RTF1: variants seen among roughly 807,000 people sequenced by gnomAD.
RTF1 encodes RTF1 homolog, Paf1/RNA polymerase II complex component.
Under a neutral mutation model 95.7 loss-of-function variants are expected in RTF1, and 10 were observed. The observed-to-expected ratio is 0.10, with a 90% CI of 0.06 to 0.18. The LOEUF (loss-of-function observed/expected upper bound fraction) is 0.18, where lower values mean the gene tolerates loss of function less well. Among genes scored for constraint, RTF1 ranks in the 10% least tolerant of loss-of-function variants. The pLI is 1.00. For missense variants in RTF1, 458 were observed against 875.6 expected, an observed-to-expected ratio of 0.52 and a Z score of 6.02; for synonymous variants, 305 against 311.8, an observed-to-expected ratio of 0.98 and a Z score of 0.23.
rs1421035887 is a variant in RTF1, at chr15:41,480,567, C to T, written c.2027-14C>T. 5 of 1,599,406 alleles carry T rather than the reference C, an allele frequency of 3.1e-6. No individual in the cohort carries two copies. Among genetic ancestry groups the T allele is most frequent in the East Asian group, 2.2e-5 (1 of 44,814 alleles). ...GTGGGACCTCAGCTGCCAACTTGCT[C>T]TTCTTTCCCACAGAGTCAAAGGCTT... On this transcript the variant is annotated splice_polypyrimidine_tract_variant and intron_variant, in intron 17 of 17. Transcript: ENST00000389629.
chr15:41,477,047 C>A, intron 12 of RTF1, 118 bp from the exon 13 acceptor site: 1 of 1,271,120 alleles, frequency 7.9e-7, no homozygotes, highest in Non-Finnish European at 1.1e-6. Context: ...TCTTCCACAT[C>A]TCCTGTCCTT....
chr15:41,438,359 TGAG>T lies in RTF1; in HGVS notation c.241_243del (p.Glu81del). 6.4e-7 allele frequency: 1 copy of T among 1,551,320 alleles called. No individual in the cohort carries two copies. Among genetic ancestry groups the T allele is most frequent in the Non-Finnish European group, 8.7e-7 (1 of 1,146,692 alleles). On this transcript the variant is annotated inframe_deletion, in exon 2 of 18. Transcript: ENST00000389629. Reference sequence around the variant, plus strand: ...TGGCAAAGCGAAAGCGCAGTGACTCTGAGGAGAAGGAGCCGCCTGTGAGTCAGC... The same window carrying T: ...TGGCAAAGCGAAAGCGCAGTGACTCTGAGAAGGAGCCGCCTGTGAGTCAGC...
chr15:41,465,127 CT>C (rs1441768290), intron 5 of RTF1, among the ~76,000 whole-genome samples: 1 of 150,806 alleles, frequency 6.6e-6, no homozygotes, highest in Non-Finnish European at 1.5e-5. Flanking sequence ...TTCTTTTTCC[CT>C]TTTCTTCCCC....
At chr15:41,431,506 C>T (rs904855389) in intron 1 of RTF1, among the ~76,000 whole-genome samples, 3 of 151,836 alleles carry the variant, frequency 2.0e-5, no homozygotes, top group African/African-American at 7.3e-5. Context: ...TGAACCACCG[C>T]GCCCGACTGG....
At chr15:41,421,458 A>T (rs1430419839) in intron 1 of RTF1, among the ~76,000 whole-genome samples, 1 of 127,040 alleles carries the variant, frequency 7.9e-6, no homozygotes, top group Admixed American at 8.0e-5. Context: ...CTCTGTATTA[A>T]AAAAAAAAAA....
chr15:41,464,145 G>A (rs754466636), intron 4 of RTF1, among the ~76,000 whole-genome samples: 1 of 146,004 alleles, frequency 6.8e-6, no homozygotes, highest in African/African-American at 2.5e-5. Context: ...CCACTGCACC[G>A]GGCCTGTTTG....
chr15:41,417,931 A>C (rs2050579915), intron 1 of RTF1, among the ~76,000 whole-genome samples: 1 of 152,126 alleles, frequency 6.6e-6, no homozygotes, highest in Non-Finnish European at 1.5e-5. Flanking sequence ...GTCAGACCCA[A>C]AAAAACACTC....
At chr15:41,428,693 C>G (rs2050652222) in intron 1 of RTF1, among the ~76,000 whole-genome samples, 2 of 151,860 alleles carry the variant, frequency 1.3e-5, no homozygotes, top group South Asian at 4.2e-4. Flanking sequence ...CCTCCTCTGC[C>G]TCTGGAGTAG....
chr15:41,466,277 A>G (rs896870559), intron 6 of RTF1, 25 bp downstream of exon 6: 5 of 1,421,712 alleles, frequency 3.5e-6, no homozygotes, highest in Non-Finnish European at 4.7e-6. Flanking sequence ...TATAATGGCT[A>G]CTTGTGTCTT....
At chr15:41,450,287 A>ATATCTTTATAT (rs1381184907) in intron 2 of RTF1, among the ~76,000 whole-genome samples, 5 of 152,216 alleles carry the variant, frequency 3.3e-5, no homozygotes, top group African/African-American at 1.2e-4. Context: ...AAGAAGTTTT[A>ATATCTTTATAT]GGCCAGGTGC....
chr15:41,479,194 G>C lies in RTF1; in HGVS notation c.1910G>C (p.Ser637Thr), dbSNP rs750207005. ...TTACCAGATGCTCCAAAGGAAATGA[G>C]CAAGGCAAGTGTGGTACCACCCTGT... Reference protein sequence around the residue: ...GVLPDAPKEMSKGQGKDKDLN... With the variant: ...GVLPDAPKEMTKGQGKDKDLN... The change falls in exon 16 of 18, where the codon AGC becomes ACC. Residue 637 changes from serine to threonine, a missense_variant. By Grantham distance (58) the Ser-to-Thr change is moderately conservative. This residue lies in a region of RTF1 where 50 missense variants were observed against 100.0 expected (regional missense o/e 0.50). Transcript: ENST00000389629. 5.6e-6 allele frequency: 9 copies of C among 1,610,882 alleles called. No individual in the cohort carries two copies. In the East Asian group the frequency reaches 2.0e-4, roughly 36 times the overall value.
intron 6 of RTF1, among the ~76,000 whole-genome samples, chr15:41,469,210 G>A (rs1027823137): frequency 1.3e-5 from 2 of 151,808 alleles, no homozygotes; most frequent in Non-Finnish European, 2.9e-5. Flanking sequence ...TAAGTGATCC[G>A]CCTTGCCTTG....
intron 5 of RTF1, 48 bp downstream of exon 5, chr15:41,464,933 A>T (rs201154722): frequency 1.5e-5 from 19 of 1,304,624 alleles, no homozygotes; most frequent in East Asian, 1.2e-4. Flanking sequence ...ACCTGTTTTG[A>T]GTGTGTGTGT....
chr15:41,465,421 A>G (rs1009768804), intron 5 of RTF1, among the ~76,000 whole-genome samples: 3 of 152,162 alleles, frequency 2.0e-5, no homozygotes, highest in Non-Finnish European at 4.4e-5. Flanking sequence ...CAGACAGATC[A>G]CTCAAGGCCA....
At position 41,417,104 on chromosome 15, in the gene RTF1, A is replaced by G. The variant is rs1007669475; in HGVS notation, c.-12A>G. 1.3e-5 allele frequency: 16 copies of G among 1,234,628 alleles called. No individual in the cohort carries two copies. The highest frequency in any genetic ancestry group is 1.6e-5 in the African/African-American group (1 of 64,058). 76.5% of individuals were successfully genotyped at this position (1,234,628 alleles called of 1,614,324 possible). A position where few individuals can be genotyped will look rare whatever the true frequency, so the allele number is the denominator to read the frequency against. On this transcript the variant is annotated 5_prime_UTR_variant, in exon 1 of 18. Transcript: ENST00000389629. ...GCAGGGGGCGGGGCCAGGGGGGCGG[A>G]GCGGAGCGCGCATGCGCGGTCGCCT...
intron 1 of RTF1, among the ~76,000 whole-genome samples, chr15:41,425,025 A>T (rs1394787607): frequency 1.3e-5 from 2 of 152,120 alleles, no homozygotes; most frequent in African/African-American, 4.8e-5. Flanking sequence ...GAAAAAAAGA[A>T]AAAAATTTAA....
chr15:41,465,539 G>A (rs1325337553), intron 5 of RTF1, among the ~76,000 whole-genome samples: 3 of 152,118 alleles, frequency 2.0e-5, no homozygotes, highest in Non-Finnish European at 4.4e-5. Flanking sequence ...TACTCGGGGG[G>A]CTGAGGCACA....
At chr15:41,432,490 C>CT (rs2050680327) in intron 1 of RTF1, among the ~76,000 whole-genome samples, 1 of 151,984 alleles carries the variant, frequency 6.6e-6, no homozygotes, top group Admixed American at 6.6e-5. Context: ...AGCCACTGCG[C>CT]CCGGCCTAGG....
chr15:41,481,038 G>A lies in RTF1; in HGVS notation c.*351G>A. 1 of 221,126 alleles carries A rather than the reference G, an allele frequency of 4.5e-6. No individual in the cohort carries two copies. The highest frequency in any genetic ancestry group is 5.0e-5 in the Admixed American group (1 of 20,000). The allele number at this position is 221,126 out of a possible 1,614,324, so 13.7% of individuals were successfully genotyped here. Reference sequence around the variant, plus strand: ...CCATGGAGCTGGGAATCTTGCTGGAGCCCCTGGGGCAATAGCAGCAGCACC... The same window carrying A: ...CCATGGAGCTGGGAATCTTGCTGGAACCCCTGGGGCAATAGCAGCAGCACC... On this transcript the variant is annotated 3_prime_UTR_variant, in exon 18 of 18. Transcript: ENST00000389629.
Sources: allele counts gnomAD v4.1 joint callset (sites outside exome capture counted in the v4.1 genomes callset), GRCh38; gene constraint gnomAD v4.1.1; regional missense constraint gnomAD v4.1.1; transcripts MANE v1.5; gene names NCBI Gene and HGNC (gene_info 2026-07-23, HGNC 2026-07-21).